ITGBL1: variants seen among roughly 807,000 people sequenced by gnomAD.
The protein encoded by ITGBL1 is integrin beta-like protein 1.
ITGBL1 carries 51 observed loss-of-function variants against 68.5 expected under a neutral mutation model. The ratio of observed to expected loss-of-function variants is 0.74; its 90% CI spans 0.59 to 0.94. ITGBL1 has a LOEUF of 0.94. ITGBL1 is among the 40% of genes least tolerant of loss of function. ITGBL1 has a pLI of 0.00. For synonymous variants in ITGBL1, 209 were observed against 227.3 expected (o/e 0.92, Z 0.72); for missense variants, 649 against 647.4 (o/e 1.00, Z -0.03).
At chr13:101,713,216 T>C (rs2034557732) in intron 9 of ITGBL1, 1 of 152,196 alleles carries the variant, frequency 6.6e-6, no homozygotes, top group South Asian at 2.1e-4. Context: ...TTGAGACACA[T>C]GAACCTGAAT....
At chr13:101,598,335 C>T (rs780715335) in intron 7 of ITGBL1, 36 bp downstream of exon 7, 9 of 1,477,990 alleles carry the variant, frequency 6.1e-6, no homozygotes, top group East Asian at 2.5e-5. Flanking sequence ...CACGGCCTCT[C>T]CATCACAATT....
At chr13:101,576,167 TA>T (rs2050355267) in intron 4 of ITGBL1, among the ~76,000 whole-genome samples, 1 of 152,218 alleles carries the variant, frequency 6.6e-6, no homozygotes, top group Non-Finnish European at 1.5e-5. Context: ...TATGTTTATC[TA>T]CATAGATAGA....
chr13:101,622,301 T>C (rs1285072867), intron 7 of ITGBL1, among the ~76,000 whole-genome samples: 1 of 152,176 alleles, frequency 6.6e-6, no homozygotes, highest in African/African-American at 2.4e-5. Flanking sequence ...ATCATGATTA[T>C]CCCTACACAG....
chr13:101,491,034 GTT>G (rs1445602019), intron 2 of ITGBL1, among the ~76,000 whole-genome samples: 1 of 152,150 alleles, frequency 6.6e-6, no homozygotes, highest in East Asian at 1.9e-4. Flanking sequence ...CCACTTAAAA[GTT>G]TATAAAAATA....
intron 8 of ITGBL1, among the ~76,000 whole-genome samples, chr13:101,701,929 C>T (rs919726431): frequency 2.4e-4 from 37 of 151,904 alleles, no homozygotes; most frequent in African/African-American, 7.0e-4. Flanking sequence ...GATGGTTGTA[C>T]GACAATGAGA....
At chr13:101,534,763 A>G (rs535719732) in intron 2 of ITGBL1, among the ~76,000 whole-genome samples, 70 of 152,186 alleles carry the variant, frequency 4.6e-4, no homozygotes, top group Non-Finnish European at 8.2e-4. Flanking sequence ...TAAAGGGCTT[A>G]TTAAGCTGTG....
rs1204311350 is a variant in ITGBL1 at position 101,667,384 on chromosome 13, A to T, written c.1016-25201A>T. Reference sequence around the variant, plus strand: ...TCTGCTGCAATTGTTCTTGAAACTAAAATAGGTCAAAGTCTGCTTGGAGAT... The same window carrying T: ...TCTGCTGCAATTGTTCTTGAAACTATAATAGGTCAAAGTCTGCTTGGAGAT... On this transcript the variant is annotated intron_variant, in intron 7 of 10. Transcript: ENST00000376180. Among the ~76,000 whole-genome samples the T allele has an allele frequency of 2.6e-5, 4 of 152,282 alleles. No homozygotes were observed. In the East Asian group the frequency reaches 7.7e-4, roughly 29 times the overall value.
chr13:101,511,401 T>G (rs1489917439), intron 2 of ITGBL1, among the ~76,000 whole-genome samples: 1 of 152,122 alleles, frequency 6.6e-6, no homozygotes, highest in Non-Finnish European at 1.5e-5. Context: ...AACCTGAGAC[T>G]TGCCTTTAGC....
chr13:101,496,641 C>T (rs972098296), intron 2 of ITGBL1, among the ~76,000 whole-genome samples: 6 of 152,084 alleles, frequency 3.9e-5, no homozygotes, highest in Non-Finnish European at 8.8e-5. Context: ...CCCTTGGAAC[C>T]TTTTACCCTT....
At chr13:101,576,605 G>A (rs2050363576) in intron 4 of ITGBL1, among the ~76,000 whole-genome samples, 1 of 152,098 alleles carries the variant, frequency 6.6e-6, no homozygotes, top group South Asian at 2.1e-4. Flanking sequence ...GGCCCAATGG[G>A]GCCACGTGGA....
chr13:101,489,772 T>A (rs1269305301), intron 2 of ITGBL1, among the ~76,000 whole-genome samples: 1 of 152,152 alleles, frequency 6.6e-6, no homozygotes, highest in East Asian at 1.9e-4. Context: ...CAACCAAATG[T>A]CCTGCTTGGG....
chr13:101,678,270 A>G (rs2033554067), intron 7 of ITGBL1, among the ~76,000 whole-genome samples: 1 of 152,224 alleles, frequency 6.6e-6, no homozygotes, highest in Non-Finnish European at 1.5e-5. Context: ...TGGTAGAGTC[A>G]AAAACAAAGA....
intron 7 of ITGBL1, among the ~76,000 whole-genome samples, chr13:101,624,601 C>T (rs2031706964): frequency 6.6e-6 from 1 of 152,090 alleles, no homozygotes; most frequent in African/African-American, 2.4e-5. Context: ...TTCTCTTTGC[C>T]GAGTCCTGAC....
chr13:101,454,394 G>T (rs2048210444), intron 2 of ITGBL1, among the ~76,000 whole-genome samples: 1 of 26,252 alleles, frequency 3.8e-5, no homozygotes, highest in African/African-American at 2.9e-4. Flanking sequence ...TGTTGCCCTG[G>T]CTGGTCCCCC....
intron 2 of ITGBL1, among the ~76,000 whole-genome samples, chr13:101,513,225 TTAAAAA>T (rs2049143547): frequency 6.6e-6 from 1 of 152,034 alleles, no homozygotes; most frequent in Non-Finnish European, 1.5e-5. Context: ...AGAGGGATAT[TTAAAAA>T]TAAAAATGAA....
chr13:101,610,957 G>T (rs1013970999), intron 7 of ITGBL1, among the ~76,000 whole-genome samples: 1 of 152,088 alleles, frequency 6.6e-6, no homozygotes, highest in African/African-American at 2.4e-5. Flanking sequence ...AAAAATAAAA[G>T]GACATCCCAG....
chr13:101,504,032 A>C (rs2048985628), intron 2 of ITGBL1, among the ~76,000 whole-genome samples: 1 of 152,220 alleles, frequency 6.6e-6, no homozygotes, highest in Non-Finnish European at 1.5e-5. Flanking sequence ...TGGCTGAAAC[A>C]CAGGCATGTC....
chr13:101,482,056 C>G (rs1247241367), intron 2 of ITGBL1, among the ~76,000 whole-genome samples: 1 of 152,134 alleles, frequency 6.6e-6, no homozygotes, highest in African/African-American at 2.4e-5. Context: ...CCAAAGAAGA[C>G]ATCAACTCCC....
intron 2 of ITGBL1, among the ~76,000 whole-genome samples, chr13:101,459,050 G>A (rs1232398423): frequency 6.6e-6 from 1 of 152,214 alleles, no homozygotes; most frequent in Non-Finnish European, 1.5e-5. Context: ...GAGATCAGAA[G>A]TGTGATGGAA....
Sources: allele counts gnomAD v4.1 joint callset (sites outside exome capture counted in the v4.1 genomes callset), GRCh38; gene constraint gnomAD v4.1.1; transcripts MANE v1.5; gene names NCBI Gene and HGNC (gene_info 2026-07-23, HGNC 2026-07-21).